Variants in ULK4 observed in about 807,000 individuals in gnomAD.
The protein encoded by ULK4 is unc-51 like kinase 4.
A neutral mutation model predicts 160.6 loss-of-function variants in ULK4; 133 were observed. The observed-to-expected ratio is 0.83, with a 90% CI of 0.72 to 0.96. The LOEUF (loss-of-function observed/expected upper bound fraction) is 0.96. Ranked by LOEUF, ULK4 falls within the 40% of genes least tolerant of loss-of-function variation. ULK4 has a pLI of 0.00. For missense variants in ULK4, 1,580 were observed against 1,499.5 expected, an observed-to-expected ratio of 1.05 and a Z score of -0.89; for synonymous variants, 534 against 539.8, an observed-to-expected ratio of 0.99 and a Z score of 0.15.
At chr3:41,783,576 G>C (rs2039917300) in intron 21 of ULK4, among the ~76,000 whole-genome samples, 1 of 151,316 alleles carries the variant, frequency 6.6e-6, no homozygotes, top group South Asian at 2.1e-4. Context: ...GTCTTATCAT[G>C]TTGTCCAGGC....
intron 35 of ULK4, among the ~76,000 whole-genome samples, chr3:41,280,860 T>C (rs2079337713): frequency 6.6e-6 from 1 of 152,056 alleles, no homozygotes; most frequent in South Asian, 2.1e-4. Flanking sequence ...AAAAAATCAA[T>C]GAATCCAGGA....
chr3:41,336,635 T>C (rs1446253307), intron 35 of ULK4, among the ~76,000 whole-genome samples: 1 of 152,216 alleles, frequency 6.6e-6, no homozygotes, highest in Non-Finnish European at 1.5e-5. Flanking sequence ...CTAAAGCTCA[T>C]GACCACCTCC....
Position 41,321,708 on chromosome 3 carries a change from G to A in ULK4, c.3679-72134C>T, listed in dbSNP as rs555735407. Among the ~76,000 whole-genome samples, 29 of 120,994 alleles carry A rather than the reference G, an allele frequency of 2.4e-4. 5 individuals carry two copies. The highest frequency in any genetic ancestry group is 3.6e-4 in the Non-Finnish European group (21 of 57,610). The allele number at this position is 120,994 out of a possible 152,430, so 79.4% of individuals were successfully genotyped here. On this transcript the variant is annotated intron_variant, in intron 35 of 36. Coordinates refer to ENST00000301831, the MANE Select transcript of ULK4 (RefSeq NM_017886.4). ...TGGGCTCAAGCATGTGCACTAAGAG[G>A]CAAAATGGTGGAGTTTAACAAGTGT...
rs145812129 is a variant in ULK4, at chr3:41,573,301, G to A, written c.3121-7171C>T. Among the ~76,000 whole-genome samples the A allele has an allele frequency of 2.7e-3, 403 of 151,942 alleles. 1 individual carries two copies. Among genetic ancestry groups the A allele is most frequent in the Admixed American group, 7.1e-3 (109 of 15,266 alleles). ...TTCAGTGCTTAAAGAGGACAGCTTT[G>A]AAATACCAAGGGCACAGCAAGGAAA... On this transcript the variant is annotated intron_variant, in intron 31 of 36. Transcript: ENST00000301831.
intron 22 of ULK4, among the ~76,000 whole-genome samples, chr3:41,719,844 AC>A (rs922224745): frequency 3.3e-5 from 5 of 151,804 alleles, no homozygotes; most frequent in African/African-American, 1.2e-4. Context: ...AGTTCTTAAA[AC>A]TCCCTATCAT....
chr3:41,453,817 A>G (rs1265461513), intron 34 of ULK4, among the ~76,000 whole-genome samples: 3 of 152,112 alleles, frequency 2.0e-5, no homozygotes. Flanking sequence ...ATATCATAGA[A>G]AAATTCCATT....
At chr3:41,761,420 T>A (rs1407866549) in intron 21 of ULK4, among the ~76,000 whole-genome samples, 1 of 149,686 alleles carries the variant, frequency 6.7e-6, no homozygotes, top group African/African-American at 2.4e-5. Context: ...ATATATTATC[T>A]ACCATTCACA....
chr3:41,463,438 G>C lies in ULK4; in HGVS notation c.3227-185C>G, dbSNP rs150806219. ...CAGGTTTCCAGGCCTCACTCCCAGA[G>C]AGTGTCTTAGGAAAATACTTGTTAA... On this transcript the variant is annotated intron_variant, in intron 32 of 36. Transcript: ENST00000301831. 7.6e-4 allele frequency among the ~76,000 whole-genome samples: 116 copies of C among 152,276 alleles called. 1 individual carries two copies. The highest frequency in any genetic ancestry group is 2.8e-3 in the African/African-American group (115 of 41,546).
rs145763801 is a variant in ULK4 at position 41,677,782 on chromosome 3, A to G, written c.2978+3726T>C. On this transcript the variant is annotated intron_variant, in intron 29 of 36. Coordinates refer to ENST00000301831, the MANE Select transcript of ULK4 (RefSeq NM_017886.4). ...AACTTTATTTATCAAGTTACTCAAT[A>G]AGTAGGGTACCCAGGCATTTGGTCA... 2.9e-3 allele frequency among the ~76,000 whole-genome samples: 445 copies of G among 152,164 alleles called. 2 individuals are homozygous for G. The highest frequency in any genetic ancestry group is 9.9e-3 in the African/African-American group (410 of 41,500).
intron 27 of ULK4, among the ~76,000 whole-genome samples, chr3:41,695,939 C>CA (rs1260280666): frequency 6.6e-6 from 1 of 152,150 alleles, no homozygotes; most frequent in African/African-American, 2.4e-5. Flanking sequence ...GACCAGAAGA[C>CA]AAGAGTGTGA....
intron 19 of ULK4, among the ~76,000 whole-genome samples, chr3:41,803,036 G>A (rs944732015): frequency 2.6e-5 from 4 of 152,022 alleles, no homozygotes; most frequent in Non-Finnish European, 4.4e-5. Context: ...ATGGTGGCAC[G>A]TGCTTATAAT....
chr3:41,650,579 C>T (rs2034700964), intron 30 of ULK4, among the ~76,000 whole-genome samples: 3 of 152,240 alleles, frequency 2.0e-5, no homozygotes, highest in Admixed American at 2.0e-4. Flanking sequence ...TGACTGTGCG[C>T]AGTGGACAGA....
At chr3:41,850,255 A>G (rs1385304687) in intron 17 of ULK4, among the ~76,000 whole-genome samples, 4 of 152,226 alleles carry the variant, frequency 2.6e-5, no homozygotes, top group Non-Finnish European at 5.9e-5. Flanking sequence ...TATTGTGAAT[A>G]GTGCTGCAAT....
At chr3:41,693,652 C>G (rs1330981580) in intron 27 of ULK4, among the ~76,000 whole-genome samples, 2 of 152,010 alleles carry the variant, frequency 1.3e-5, no homozygotes, top group Admixed American at 6.6e-5. Flanking sequence ...AACCAGAAAA[C>G]AATGAAGCTG....
intron 2 of ULK4, among the ~76,000 whole-genome samples, chr3:41,949,712 A>C (rs1453119301): frequency 2.7e-5 from 4 of 149,860 alleles, no homozygotes; most frequent in African/African-American, 4.9e-5. Context: ...TGGGATTACA[A>C]GTGTGAGCCA....
chr3:41,869,883 C>T (rs1013348302), intron 17 of ULK4, among the ~76,000 whole-genome samples: 4 of 152,186 alleles, frequency 2.6e-5, no homozygotes, highest in Admixed American at 6.5e-5. Context: ...CTCACTTTAA[C>T]ATTTCTAGTC....
At chr3:41,612,919 A>C (rs527742745) in intron 31 of ULK4, among the ~76,000 whole-genome samples, 128 of 152,338 alleles carry the variant, frequency 8.4e-4, no homozygotes, top group African/African-American at 2.9e-3. Flanking sequence ...TTTTAAGTAC[A>C]TCAGACAGAA....
chr3:41,257,634 A>T (rs2125673574), intron 35 of ULK4, among the ~76,000 whole-genome samples: 1 of 30,864 alleles, frequency 3.2e-5, no homozygotes, highest in South Asian at 1.0e-3. Context: ...CTATGTCTCA[A>T]AAAAAAAAAA....
At chr3:41,757,328 T>A (rs1196915502) in intron 21 of ULK4, among the ~76,000 whole-genome samples, 1 of 151,984 alleles carries the variant, frequency 6.6e-6, no homozygotes, top group African/African-American at 2.4e-5. Context: ...TCAAAAACAT[T>A]TTGGCTGATA....
Sources: gnomAD v4.1 joint callset for allele counts (sites outside exome capture counted in the v4.1 genomes callset) on GRCh38, gnomAD v4.1.1 for gene constraint, MANE v1.5 for transcripts, NCBI Gene and HGNC (gene_info 2026-07-23, HGNC 2026-07-21) for gene names.